PSTPIP2: variants seen among roughly 807,000 people sequenced by gnomAD.
The protein encoded by PSTPIP2 is proline-serine-threonine phosphatase interacting protein 2.
PSTPIP2 carries 33 observed loss-of-function variants against 63.3 expected under a neutral mutation model. The observed-to-expected ratio is 0.52, with a 90% confidence interval of 0.40 to 0.70. PSTPIP2 has a LOEUF of 0.70. Among genes scored for constraint, PSTPIP2 ranks in the 30% least tolerant of loss-of-function variants. The pLI, the probability that PSTPIP2 is intolerant of heterozygous loss-of-function variation, is 0.00. For synonymous variants in PSTPIP2, 125 were observed against 132.7 expected (o/e 0.94, Z 0.40); for missense variants, 312 against 400.7 (o/e 0.78, Z 1.89).
At chr18:46,015,194 C>T (rs1270942527) in intron 4 of PSTPIP2, among the ~76,000 whole-genome samples, 1 of 152,134 alleles carries the variant, frequency 6.6e-6, no homozygotes, top group Non-Finnish European at 1.5e-5. Context: ...AGTGGTGGGA[C>T]TACAGGCAGA....
At chr18:46,016,606 G>A (rs192649198) in intron 3 of PSTPIP2, among the ~76,000 whole-genome samples, 78 of 152,236 alleles carry the variant, frequency 5.1e-4, no homozygotes, top group Non-Finnish European at 9.7e-4. Context: ...TAAACAAATC[G>A]TATCCATTTT....
chr18:46,012,980 A>G (rs1168146625), intron 4 of PSTPIP2, among the ~76,000 whole-genome samples: 2 of 152,154 alleles, frequency 1.3e-5, no homozygotes, highest in African/African-American at 4.8e-5. Flanking sequence ...ATATATGTTT[A>G]ATTGCATTAA....
At chr18:46,068,141 TA>T (rs148163421) in intron 1 of PSTPIP2, among the ~76,000 whole-genome samples, 2,570 of 152,084 alleles carry the variant, frequency 0.017, 91 homozygotes, top group African/African-American at 0.059. Flanking sequence ...AAAATACAAA[TA>T]AAAAATACAG....
chr18:46,057,997 CAAA>C (rs71177701), intron 1 of PSTPIP2, among the ~76,000 whole-genome samples: 1,460 of 100,574 alleles, frequency 0.015, 19 homozygotes, highest in African/African-American at 0.046. Flanking sequence ...GACTCCGTCT[CAAA>C]AAAAAAAAAA....
intron 2 of PSTPIP2, among the ~76,000 whole-genome samples, chr18:46,031,152 G>T (rs1209178058): frequency 6.6e-6 from 1 of 152,074 alleles, no homozygotes; most frequent in African/African-American, 2.4e-5. Context: ...TTCTACTTGG[G>T]ATCAGTTATC....
At chr18:45,999,568 A>C in intron 6 of PSTPIP2, 34 bp from the exon 7 acceptor site, 1 of 1,609,732 alleles carries the variant, frequency 6.2e-7, no homozygotes. Flanking sequence ...ACCAAAACAA[A>C]TGAACAGAGT....
chr18:46,066,410 T>C (rs116723220), intron 1 of PSTPIP2, among the ~76,000 whole-genome samples: 87 of 152,326 alleles, frequency 5.7e-4, no homozygotes, highest in African/African-American at 2.0e-3. Context: ...TAATAATCTC[T>C]TAGAGGTGAG....
rs756384731 is a variant in PSTPIP2 at position 46,006,360 on chromosome 18, C to CTTTTTTTTTTTTTTTTTT, written c.355-847_355-830dup. Among the ~76,000 whole-genome samples, 2 of 115,628 alleles carry CTTTTTTTTTTTTTTTTTT rather than the reference C, an allele frequency of 1.7e-5. 1 individual carries two copies. The highest frequency in any genetic ancestry group is 3.3e-5 in the Non-Finnish European group (2 of 60,024). The allele number at this position is 115,628 out of a possible 152,430, so 75.9% of individuals were successfully genotyped here. A position where few individuals can be genotyped will look rare whatever the true frequency, so the allele number is the denominator to read the frequency against. ...TGAGCCACCATGCCCAGCCCTGGTACTTTTTTTTTTTTTTTTTTTTTTTTT... is the reference window on the plus strand; with the variant it reads ...TGAGCCACCATGCCCAGCCCTGGTACTTTTTTTTTTTTTTTTTTTTTTTTTTTTTTTTTTTTTTTTTTT... On this transcript the variant is annotated intron_variant, in intron 5 of 14. Coordinates refer to ENST00000409746, the MANE Select transcript of PSTPIP2 (RefSeq NM_024430.4).
chr18:46,068,771 T>C (rs1040671067), intron 1 of PSTPIP2, among the ~76,000 whole-genome samples: 5 of 152,138 alleles, frequency 3.3e-5, no homozygotes, highest in African/African-American at 1.2e-4. Context: ...ATGGGAGTCC[T>C]AGAACCAATC....
At chr18:46,022,060 G>A (rs1467228145) in intron 3 of PSTPIP2, among the ~76,000 whole-genome samples, 1 of 151,544 alleles carries the variant, frequency 6.6e-6, no homozygotes, top group African/African-American at 2.4e-5. Context: ...TATTTATTAT[G>A]TTCGTTTTTT....
chr18:46,019,044 C>A (rs2051883026), intron 3 of PSTPIP2, among the ~76,000 whole-genome samples: 1 of 151,968 alleles, frequency 6.6e-6, no homozygotes, highest in Non-Finnish European at 1.5e-5. Flanking sequence ...TATTTTAGTT[C>A]TCCCCCAACC....
intron 1 of PSTPIP2, among the ~76,000 whole-genome samples, chr18:46,044,502 T>G (rs1178916811): frequency 1.3e-5 from 2 of 152,142 alleles, no homozygotes; most frequent in Admixed American, 1.3e-4. Context: ...TATACAAAAA[T>G]TAATTCAAGA....
chr18:45,998,494 A>G (rs1259142021), intron 8 of PSTPIP2, among the ~76,000 whole-genome samples: 1 of 152,080 alleles, frequency 6.6e-6, no homozygotes, highest in South Asian at 2.1e-4. Flanking sequence ...TCTCACTCCC[A>G]TGTAAGGCAG....
chr18:45,991,799 T>G (rs1366104722), intron 12 of PSTPIP2, 103 bp downstream of exon 12: 20 of 1,108,208 alleles, frequency 1.8e-5, no homozygotes, highest in Non-Finnish European at 2.5e-5. Context: ...ATTAAGCAGA[T>G]GCAGTAGTAG....
intron 1 of PSTPIP2, among the ~76,000 whole-genome samples, chr18:46,043,224 TAAAAA>T (rs34454812): frequency 2.8e-4 from 22 of 77,312 alleles, no homozygotes; most frequent in African/African-American, 9.9e-4. Flanking sequence ...CACCTCTCCT[TAAAAA>T]AAAAAAAAAA....
intron 3 of PSTPIP2, among the ~76,000 whole-genome samples, chr18:46,022,979 G>A (rs912670993): frequency 3.3e-5 from 5 of 152,108 alleles, no homozygotes; most frequent in African/African-American, 1.2e-4. Flanking sequence ...CATGGGTGGA[G>A]CTGGGGGCCA....
intron 1 of PSTPIP2, among the ~76,000 whole-genome samples, chr18:46,056,620 C>A (rs548215766): frequency 6.6e-6 from 1 of 152,056 alleles, no homozygotes; most frequent in Non-Finnish European, 1.5e-5. Flanking sequence ...CCAGCTACTC[C>A]GGGGGCTGAG....
intron 4 of PSTPIP2, 57 bp downstream of exon 4, chr18:46,015,846 C>T: frequency 3.2e-6 from 5 of 1,550,272 alleles, no homozygotes; most frequent in Non-Finnish European, 3.5e-6. Flanking sequence ...CCTTTGACGA[C>T]AGACACAGGG....
At chr18:46,036,150 TATA>T (rs1907970267) in intron 2 of PSTPIP2, among the ~76,000 whole-genome samples, 1 of 149,024 alleles carries the variant, frequency 6.7e-6, no homozygotes, top group Admixed American at 6.7e-5. Context: ...TAATTAATAT[TATA>T]ATATTAATTG....
Sources: allele counts gnomAD v4.1 joint callset (sites outside exome capture counted in the v4.1 genomes callset), GRCh38; gene constraint gnomAD v4.1.1; transcripts MANE v1.5; gene names NCBI Gene and HGNC (gene_info 2026-07-23, HGNC 2026-07-21).